Variants in CNTN4 observed in about 807,000 individuals in gnomAD.
CNTN4 encodes contactin 4.
A neutral mutation model predicts 122.5 loss-of-function variants in CNTN4; 77 were observed. That is an observed-to-expected ratio of 0.63 (90% CI 0.52 to 0.76). The LOEUF is 0.76. Among genes scored for constraint, CNTN4 ranks in the 30% least tolerant of loss-of-function variants. CNTN4 has a pLI of 0.00. For missense variants in CNTN4, 1,256 were observed against 1,259.1 expected (o/e 1.00, Z 0.04); for synonymous variants, 512 against 447.0 (o/e 1.15, Z -1.83).
chr3:2,115,616 T>C (rs1438385130), intron 2 of CNTN4, among the ~76,000 whole-genome samples: 2 of 152,242 alleles, frequency 1.3e-5, no homozygotes, highest in Non-Finnish European at 2.9e-5. Flanking sequence ...AGTACTCTTA[T>C]CTCAGTATTC....
At chr3:2,421,659 A>T (rs1403544455) in intron 3 of CNTN4, among the ~76,000 whole-genome samples, 2 of 152,194 alleles carry the variant, frequency 1.3e-5, no homozygotes, top group Non-Finnish European at 2.9e-5. Context: ...TGGGCATTCT[A>T]TTAAATGACA....
intron 4 of CNTN4, among the ~76,000 whole-genome samples, chr3:2,650,697 T>C (rs759560463): frequency 6.6e-6 from 1 of 152,200 alleles, no homozygotes; most frequent in Non-Finnish European, 1.5e-5. Context: ...TTCAAAAAGA[T>C]AACAACTTGC....
At chr3:2,373,686 C>G (rs76837348) in intron 3 of CNTN4, among the ~76,000 whole-genome samples, 6,651 of 152,162 alleles carry the variant, frequency 0.044, 615 homozygotes, top group East Asian at 0.44. Context: ...TCAATAACAT[C>G]GGCGCCTAAA....
intron 8 of CNTN4, among the ~76,000 whole-genome samples, chr3:2,872,304 C>T (rs2093795353): frequency 6.6e-6 from 1 of 152,184 alleles, no homozygotes. Context: ...GAGATTAGGA[C>T]AGTCTTGAGA....
intron 3 of CNTN4, among the ~76,000 whole-genome samples, chr3:2,543,459 T>G (rs1421450889): frequency 1.3e-5 from 2 of 152,094 alleles, no homozygotes; most frequent in African/African-American, 4.8e-5. Flanking sequence ...CTGGGTCACC[T>G]GGGATTTGGG....
chr3:2,427,771 A>G (rs955910190), intron 3 of CNTN4, among the ~76,000 whole-genome samples: 3 of 151,964 alleles, frequency 2.0e-5, no homozygotes, highest in Non-Finnish European at 4.4e-5. Flanking sequence ...TTGGGTGCAC[A>G]TATATTTAGG....
At chr3:2,891,733 G>C (rs1238558036) in intron 10 of CNTN4, among the ~76,000 whole-genome samples, 1 of 152,196 alleles carries the variant, frequency 6.6e-6, no homozygotes, top group Admixed American at 6.5e-5. Context: ...TTGAAACTTG[G>C]GAAGGTGACA....
intron 23 of CNTN4, among the ~76,000 whole-genome samples, chr3:3,044,063 C>T (rs1266314670): frequency 1.3e-5 from 2 of 152,012 alleles, no homozygotes; most frequent in Non-Finnish European, 2.9e-5. Flanking sequence ...TTAGTAGCCT[C>T]CTGATATTAC....
intron 4 of CNTN4, among the ~76,000 whole-genome samples, chr3:2,596,667 G>A (rs1226901454): frequency 2.0e-5 from 3 of 152,048 alleles, no homozygotes; most frequent in Non-Finnish European, 4.4e-5. Context: ...TGGAGAATTA[G>A]GGAAGTGCAA....
intron 2 of CNTN4, among the ~76,000 whole-genome samples, chr3:2,107,615 C>T (rs2032559869): frequency 6.6e-6 from 1 of 152,082 alleles, no homozygotes; most frequent in African/African-American, 2.4e-5. Context: ...TGGGTGGGGA[C>T]ACAGAACCAA....
chr3:2,591,434 G>A (rs568352501), intron 4 of CNTN4, among the ~76,000 whole-genome samples: 1 of 88,766 alleles, frequency 1.1e-5, no homozygotes, highest in Non-Finnish European at 2.2e-5. Flanking sequence ...GCGGGATCTC[G>A]GCTCACTGCA....
chr3:2,199,218 T>C lies in CNTN4; in HGVS notation c.-145+98579T>C, dbSNP rs2037981800. Among the ~76,000 whole-genome samples, 3 of 152,232 alleles carry C rather than the reference T, an allele frequency of 2.0e-5. No individual in the cohort carries two copies. In the South Asian group the frequency reaches 6.2e-4, roughly 32 times the overall value. ...CTATGCATTCTTCAAAATGCAGCTTTAGCTAACCTCCTGCATGAAGGATTC... is the reference window on the plus strand; with the variant it reads ...CTATGCATTCTTCAAAATGCAGCTTCAGCTAACCTCCTGCATGAAGGATTC... On this transcript the variant is annotated intron_variant, in intron 2 of 24. Coordinates refer to ENST00000418658, the MANE Select transcript of CNTN4 (RefSeq NM_175607.3).
intron 3 of CNTN4, among the ~76,000 whole-genome samples, chr3:2,388,848 C>G (rs2046340797): frequency 6.7e-6 from 1 of 149,502 alleles, no homozygotes; most frequent in Admixed American, 6.7e-5. Context: ...CTGTCTCAAA[C>G]AAAAAACAAA....
rs112047832 is a variant in CNTN4, at chr3:2,657,995, G to A, written c.56-78220G>A. Among the ~76,000 whole-genome samples, 1,025 of 149,518 alleles carry A rather than the reference G, an allele frequency of 6.9e-3. 10 individuals are homozygous for A. The highest frequency in any genetic ancestry group is 0.024 in the African/African-American group (983 of 40,344). ...GCCATGAGGATGAGTTGCCCATACA[G>A]AGGAAAGGATTATAATAGTAAATAG... is the stretch of plus-strand genomic sequence containing the variant. On this transcript the variant is annotated intron_variant, in intron 4 of 24. Coordinates refer to ENST00000418658, the MANE Select transcript of CNTN4 (RefSeq NM_175607.3).
intron 3 of CNTN4, among the ~76,000 whole-genome samples, chr3:2,548,997 GA>G (rs1559220814): frequency 6.6e-6 from 1 of 152,058 alleles, no homozygotes; most frequent in Admixed American, 6.6e-5. Flanking sequence ...TGGTGTTTAG[GA>G]ATGCTTGTGA....
chr3:2,607,887 T>C (rs1322595306), intron 4 of CNTN4, among the ~76,000 whole-genome samples: 3 of 152,198 alleles, frequency 2.0e-5, no homozygotes, highest in South Asian at 2.1e-4. Context: ...ATTTAAAATA[T>C]CATATAATAA....
At chr3:2,418,698 T>C (rs2047506441) in intron 3 of CNTN4, among the ~76,000 whole-genome samples, 1 of 152,132 alleles carries the variant, frequency 6.6e-6, no homozygotes, top group Non-Finnish European at 1.5e-5. Context: ...ATTTCAGCAT[T>C]TCTGATATAT....
At chr3:2,901,440 T>C (rs2094172324) in intron 11 of CNTN4, among the ~76,000 whole-genome samples, 1 of 152,140 alleles carries the variant, frequency 6.6e-6, no homozygotes, top group African/African-American at 2.4e-5. Flanking sequence ...TGAATTTACA[T>C]GACAGGAAGA....
intron 2 of CNTN4, among the ~76,000 whole-genome samples, chr3:2,267,352 A>T (rs1350322050): frequency 6.6e-6 from 1 of 152,178 alleles, no homozygotes; most frequent in African/African-American, 2.4e-5. Context: ...TAACAAAGAA[A>T]TTCATACTGC....
Sources: gnomAD v4.1 joint callset for allele counts (sites outside exome capture counted in the v4.1 genomes callset) on GRCh38, gnomAD v4.1.1 for gene constraint, MANE v1.5 for transcripts, NCBI Gene and HGNC (gene_info 2026-07-23, HGNC 2026-07-21) for gene names.